The following DLGAP1 variants were observed in gnomAD, a reference collection of about 807,000 sequenced individuals.
DLGAP1 encodes the protein DLG associated protein 1, also known as disks large-associated protein 1.
Under a neutral mutation model 90.8 loss-of-function variants are expected in DLGAP1, and 11 were observed. The observed-to-expected ratio is 0.12, with a 90% CI of 0.08 to 0.20. The LOEUF is 0.20. DLGAP1 is among the 10% of genes least tolerant of loss of function. DLGAP1 has a pLI of 1.00. For missense variants in DLGAP1, 1,050 were observed against 1,333.8 expected, an observed-to-expected ratio of 0.79 and a Z score of 3.31; for synonymous variants, 558 against 540.7, an observed-to-expected ratio of 1.03 and a Z score of -0.44.
chr18:3,560,932 T>C (rs2054053281), intron 9 of DLGAP1, among the ~76,000 whole-genome samples: 1 of 150,990 alleles, frequency 6.6e-6, no homozygotes, highest in African/African-American at 2.5e-5. Flanking sequence ...CACTTTCATA[T>C]AACACTGTGA....
At chr18:3,726,454 T>A (rs748093661) in intron 7 of DLGAP1, among the ~76,000 whole-genome samples, 11 of 149,304 alleles carry the variant, frequency 7.4e-5, no homozygotes, top group Admixed American at 2.7e-4. Context: ...GGTGTGTGTG[T>A]GAGAGAGAGA....
intron 1 of DLGAP1, among the ~76,000 whole-genome samples, chr18:4,453,794 G>A (rs1274237754): frequency 6.6e-6 from 1 of 152,176 alleles, no homozygotes; most frequent in Non-Finnish European, 1.5e-5. Context: ...AGGAGGCAGG[G>A]AGCATTCACC....
intron 1 of DLGAP1, among the ~76,000 whole-genome samples, chr18:4,437,995 G>A (rs959556670): frequency 6.6e-6 from 1 of 152,128 alleles, no homozygotes; most frequent in Non-Finnish European, 1.5e-5. Flanking sequence ...GTTATGTTAA[G>A]GTAGAGAAAC....
chr18:4,144,150 G>A (rs1403782250), intron 2 of DLGAP1, among the ~76,000 whole-genome samples: 4 of 152,154 alleles, frequency 2.6e-5, no homozygotes, highest in African/African-American at 9.7e-5. Context: ...AACCCCACTG[G>A]CTCCGAGTCC....
chr18:3,868,577 A>G (rs1288479824), intron 4 of DLGAP1, among the ~76,000 whole-genome samples: 1 of 152,122 alleles, frequency 6.6e-6, no homozygotes, highest in Admixed American at 6.5e-5. Context: ...ACTAATTTCC[A>G]CTTTTATAAC....
At chr18:3,950,017 G>T (rs2072952856) in intron 3 of DLGAP1, among the ~76,000 whole-genome samples, 1 of 152,250 alleles carries the variant, frequency 6.6e-6, no homozygotes, top group Non-Finnish European at 1.5e-5. Context: ...AGATTTGAAG[G>T]CACAGTGAGA....
chr18:3,624,165 G>A lies in DLGAP1; in HGVS notation c.1592-41917C>T, dbSNP rs556435412. 4.6e-5 allele frequency among the ~76,000 whole-genome samples: 7 copies of A among 152,338 alleles called. No homozygotes were observed. In the South Asian group the frequency reaches 1.2e-3, roughly 27 times the overall value. ...CCACCTTTCTCATGACACAGAGCAT[G>A]AGCCTGTCCAACGGTTGGCCTGTGC... On this transcript the variant is annotated intron_variant, in intron 7 of 12. Coordinates refer to ENST00000315677, the MANE Select transcript of DLGAP1 (RefSeq NM_004746.4).
At chr18:3,717,787 T>A (rs757358404) in intron 7 of DLGAP1, among the ~76,000 whole-genome samples, 8 of 152,198 alleles carry the variant, frequency 5.3e-5, no homozygotes, top group Non-Finnish European at 7.3e-5. Context: ...ACAAGAACTA[T>A]AGATTTTGTG....
chr18:4,228,905 C>T (rs569640003), intron 1 of DLGAP1, among the ~76,000 whole-genome samples: 1 of 152,074 alleles, frequency 6.6e-6, no homozygotes, highest in South Asian at 2.1e-4. Flanking sequence ...GTCAAATTAT[C>T]CTTGTTTGCA....
At chr18:4,176,417 C>T (rs1459640455) in intron 1 of DLGAP1, among the ~76,000 whole-genome samples, 1 of 152,170 alleles carries the variant, frequency 6.6e-6, no homozygotes, top group Non-Finnish European at 1.5e-5. Context: ...AACCAGCAGC[C>T]ATTCGTGTGG....
intron 1 of DLGAP1, among the ~76,000 whole-genome samples, chr18:4,386,840 G>T (rs1349243482): frequency 1.3e-5 from 2 of 152,138 alleles, no homozygotes; most frequent in Non-Finnish European, 2.9e-5. Context: ...GAAGATGCTG[G>T]TTAAAGCAAA....
At chr18:3,831,092 G>A (rs2068010225) in intron 4 of DLGAP1, among the ~76,000 whole-genome samples, 1 of 152,226 alleles carries the variant, frequency 6.6e-6, no homozygotes, top group African/African-American at 2.4e-5. Flanking sequence ...TGGTGCATGT[G>A]TGTAGAGGGG....
rs2055543327 is a variant in DLGAP1, at chr18:3,581,870, G to A, written c.1965+5C>T. On this transcript the variant is annotated splice_donor_5th_base_variant and intron_variant, in intron 8 of 12. Coordinates refer to ENST00000315677, the MANE Select transcript of DLGAP1 (RefSeq NM_004746.4). ...ATTTCAAAGGATAGAAAGGGAGGCT[G>A]TTACCTGTATCCCGATAGACAGGCA... 2 of 1,613,084 alleles carry A rather than the reference G, an allele frequency of 1.2e-6. No homozygotes were observed. Among genetic ancestry groups the A allele is most frequent in the Non-Finnish European group, 1.7e-6 (2 of 1,179,080 alleles).
At chr18:4,441,664 G>C (rs1388084540) in intron 1 of DLGAP1, among the ~76,000 whole-genome samples, 1 of 152,108 alleles carries the variant, frequency 6.6e-6, no homozygotes, top group Non-Finnish European at 1.5e-5. Context: ...AAGAATTACG[G>C]AAAAAATAAG....
At chr18:3,630,066 G>C (rs1044069804) in intron 7 of DLGAP1, among the ~76,000 whole-genome samples, 8 of 152,178 alleles carry the variant, frequency 5.3e-5, no homozygotes, top group Admixed American at 2.6e-4. Flanking sequence ...ACTGGGCCAT[G>C]TGGTACCCAG....
In DLGAP1 at chr18:3,739,521, C is replaced by T. The variant is rs2062809630; in HGVS notation, c.1350+2814G>A. ...AATCATCATTCTCAGTAAACTATCG[C>T]AAGAACAAAAAACCAAACACCGCAT... On this transcript the variant is annotated intron_variant, in intron 6 of 12. Transcript: ENST00000315677. 8.2e-5 allele frequency among the ~76,000 whole-genome samples: 12 copies of T among 147,022 alleles called. 1 individual carries two copies. The South Asian group carries it at 2.6e-3, about 32-fold the overall frequency.
At chr18:3,944,469 A>T (rs972577213) in intron 3 of DLGAP1, among the ~76,000 whole-genome samples, 2 of 152,004 alleles carry the variant, frequency 1.3e-5, no homozygotes, top group African/African-American at 2.4e-5. Flanking sequence ...GCACCACTGC[A>T]CTCCAGCCTG....
chr18:4,221,381 A>T (rs1276539437), intron 1 of DLGAP1, among the ~76,000 whole-genome samples: 1 of 152,148 alleles, frequency 6.6e-6, no homozygotes, highest in African/African-American at 2.4e-5. Flanking sequence ...TACATATGAC[A>T]GATTATATAT....
intron 5 of DLGAP1, among the ~76,000 whole-genome samples, chr18:3,760,776 C>A (rs1363146919): frequency 1.3e-5 from 2 of 152,254 alleles, no homozygotes; most frequent in East Asian, 3.9e-4. Context: ...TTGCGTAGGA[C>A]CAAATTGATC....
Sources: gnomAD v4.1 joint callset for allele counts (sites outside exome capture counted in the v4.1 genomes callset) on GRCh38, gnomAD v4.1.1 for gene constraint, MANE v1.5 for transcripts, NCBI Gene and HGNC (gene_info 2026-07-23, HGNC 2026-07-21) for gene names.